CLEC16A: variants seen among roughly 807,000 people sequenced by gnomAD.
The protein encoded by CLEC16A is protein CLEC16A.
A neutral mutation model predicts 109.5 loss-of-function variants in CLEC16A; 51 were observed. The ratio of observed to expected loss-of-function variants is 0.47; its 90% CI spans 0.37 to 0.59. The LOEUF (loss-of-function observed/expected upper bound fraction) is 0.59, where lower values mean the gene tolerates loss of function less well. Ranked by LOEUF, CLEC16A falls within the 20% of genes least tolerant of loss-of-function variation. The probability of loss-of-function intolerance (pLI) is 0.00; values close to 1 mark genes in which losing one functional copy is unlikely to be tolerated. For missense variants in CLEC16A, 1,339 were observed against 1,394.0 expected, an observed-to-expected ratio of 0.96 and a Z score of 0.63; for synonymous variants, 673 against 564.2, an observed-to-expected ratio of 1.19 and a Z score of -2.73.
chr16:10,948,540 T>A (rs1173758957), intron 1 of CLEC16A, among the ~76,000 whole-genome samples: 1 of 152,194 alleles, frequency 6.6e-6, no homozygotes, highest in African/African-American at 2.4e-5. Flanking sequence ...TGGAATCGTT[T>A]GATTGCTACT....
chr16:11,157,525 A>G (rs2153085551), intron 22 of CLEC16A, among the ~76,000 whole-genome samples: 1 of 152,352 alleles, frequency 6.6e-6, no homozygotes. Context: ...ATATACCTGA[A>G]GCTTTCCCAA....
rs74789772 is a variant in CLEC16A, at chr16:11,134,797, C to G, written c.2641+8651C>G. 1.1e-3 allele frequency among the ~76,000 whole-genome samples: 164 copies of G among 152,350 alleles called. 1 individual carries two copies. Among genetic ancestry groups the G allele is most frequent in the Middle Eastern group, 3.4e-3 (1 of 294 alleles). On this transcript the variant is annotated intron_variant, in intron 22 of 23. Transcript: ENST00000409790. ...TACTTCGCATGGCAGCTCTGCCTGT[C>G]TCAGAATGTCAGAGATCAGTAGGAT...
chr16:11,171,925 C>T (rs1452326789), intron 23 of CLEC16A, among the ~76,000 whole-genome samples: 6 of 151,852 alleles, frequency 4.0e-5, no homozygotes, highest in Admixed American at 3.9e-4. Context: ...CACCAGTACA[C>T]ATACACACTC....
intron 23 of CLEC16A, among the ~76,000 whole-genome samples, chr16:11,171,768 C>A (rs1044774142): frequency 6.6e-6 from 1 of 152,248 alleles, no homozygotes; most frequent in Non-Finnish European, 1.5e-5. Context: ...AGTGACACTT[C>A]TGCATACACA....
chr16:10,958,436 G>C (rs2042094807), intron 2 of CLEC16A, among the ~76,000 whole-genome samples: 1 of 152,244 alleles, frequency 6.6e-6, no homozygotes, highest in South Asian at 2.1e-4. Flanking sequence ...ATCAGTGAGG[G>C]GTCCCGCAAC....
At chr16:10,951,086 T>C (rs915767413) in intron 1 of CLEC16A, among the ~76,000 whole-genome samples, 2 of 152,234 alleles carry the variant, frequency 1.3e-5, no homozygotes, top group African/African-American at 4.8e-5. Context: ...AATTAGTGAC[T>C]CTTGAGAAAG....
chr16:10,971,197 G>C lies in CLEC16A; in HGVS notation c.565G>C (p.Ala189Pro). The C allele has an allele frequency of 6.2e-7, 1 of 1,613,494 alleles. No homozygotes were observed. The highest frequency in any genetic ancestry group is 8.5e-7 in the Non-Finnish European group (1 of 1,179,518). ...CCACCCTGAAAGCATGGTTAGAATT[G>C]CTGTAAGAACCATAACTTTGAATGT... ...FNHPESMVRI[A>P]VRTITLNVYK... The change falls in exon 5 of 24, where the codon GCT becomes CCT. Residue 189 changes from alanine to proline, a missense_variant. Ala to Pro is a conservative substitution (Grantham distance 27). Around this residue, in one of 3 missense-constraint regions of CLEC16A, gnomAD observed 161 missense variants for 267.1 expected, o/e 0.60. Transcript: ENST00000409790.
chr16:11,083,254 C>T (rs1172804541), intron 19 of CLEC16A, among the ~76,000 whole-genome samples: 2 of 152,306 alleles, frequency 1.3e-5, no homozygotes, highest in South Asian at 4.1e-4. Context: ...CATCAAACTC[C>T]TGGGCTCAAG....
At chr16:10,946,060 G>A (rs1438900867) in intron 1 of CLEC16A, among the ~76,000 whole-genome samples, 1 of 152,116 alleles carries the variant, frequency 6.6e-6, no homozygotes, top group Non-Finnish European at 1.5e-5. Context: ...GGAGGATGAT[G>A]AAAAATAGAG....
chr16:10,973,153 C>G, intron 7 of CLEC16A, 92 bp downstream of exon 7: 1 of 1,399,640 alleles, frequency 7.1e-7, no homozygotes, highest in Non-Finnish European at 9.7e-7. Flanking sequence ...ACAAGAACCG[C>G]ACTTCCCTAC....
chr16:10,985,828 C>CTGCCTCTGGGTT, intron 10 of CLEC16A, among the ~76,000 whole-genome samples: 1 of 151,610 alleles, frequency 6.6e-6, no homozygotes. Context: ...GCGTCAGCCT[C>CTGCCTCTGGGTT]CCAAGTAGCT....
rs953733184 is a variant in CLEC16A, at chr16:11,002,779, C to T, written c.1072-295C>T. On this transcript the variant is annotated intron_variant, in intron 10 of 23. Coordinates refer to ENST00000409790, the MANE Select transcript of CLEC16A (RefSeq NM_015226.3). ...AGTTATTTCACTTAAGATAATCGTC[C>T]CCATGTTGCTGCAAAATACATGATT... Among the ~76,000 whole-genome samples the T allele has an allele frequency of 2.6e-5, 4 of 152,114 alleles. No individual in the cohort carries two copies. In the East Asian group the frequency reaches 7.7e-4, roughly 29 times the overall value.
At chr16:11,038,098 A>G (rs2047125024) in intron 13 of CLEC16A, among the ~76,000 whole-genome samples, 1 of 152,134 alleles carries the variant, frequency 6.6e-6, no homozygotes, top group Non-Finnish European at 1.5e-5. Context: ...TCCCTCACCC[A>G]GGTCATCTCC....
At position 11,108,595 on chromosome 16, in the gene CLEC16A, G is replaced by T. The variant is rs548257100; in HGVS notation, c.2117-12020G>T. On this transcript the variant is annotated intron_variant, in intron 19 of 23. Transcript: ENST00000409790. ...CCAGGGGACTGGAATGCCAGGTTTT[G>T]ATCAGCTTGTTCAGGAGAGTGTGAA... Among the ~76,000 whole-genome samples, 16 of 152,340 alleles carry T rather than the reference G, an allele frequency of 1.1e-4. No homozygotes were observed. The South Asian group carries it at 2.9e-3, about 28-fold the overall frequency.
At chr16:11,152,035 G>T (rs1199660533) in intron 22 of CLEC16A, among the ~76,000 whole-genome samples, 1 of 152,212 alleles carries the variant, frequency 6.6e-6, no homozygotes, top group Non-Finnish European at 1.5e-5. Flanking sequence ...ATAGAACTAG[G>T]TGCTTGAGTA....
chr16:11,050,192 A>G (rs2047865468), intron 17 of CLEC16A, among the ~76,000 whole-genome samples: 1 of 152,244 alleles, frequency 6.6e-6, no homozygotes, highest in Non-Finnish European at 1.5e-5. Flanking sequence ...CTCTTATAAC[A>G]AAGTCACTCT....
chr16:11,012,355 G>A (rs2045474010), intron 11 of CLEC16A, among the ~76,000 whole-genome samples: 1 of 152,162 alleles, frequency 6.6e-6, no homozygotes, highest in African/African-American at 2.4e-5. Flanking sequence ...CAGCGCTTTG[G>A]GAGGCCGAGG....
intron 18 of CLEC16A, among the ~76,000 whole-genome samples, chr16:11,052,112 A>G (rs1268758816): frequency 6.6e-6 from 1 of 152,172 alleles, no homozygotes; most frequent in Non-Finnish European, 1.5e-5. Context: ...CAGGACAGAT[A>G]TGTGTGAAAA....
chr16:11,120,997 C>A (rs1280431315), intron 20 of CLEC16A, among the ~76,000 whole-genome samples: 2 of 152,220 alleles, frequency 1.3e-5, no homozygotes, highest in East Asian at 3.8e-4. Context: ...CACCTCCCCT[C>A]CACCAGAGAT....
Sources: gnomAD v4.1 joint callset for allele counts (sites outside exome capture counted in the v4.1 genomes callset) on GRCh38, gnomAD v4.1.1 for gene constraint, gnomAD v4.1.1 regional missense constraint, MANE v1.5 for transcripts, NCBI Gene and HGNC (gene_info 2026-07-23, HGNC 2026-07-21) for gene names.